The following RIF1 variants were observed in gnomAD, a reference collection of about 807,000 sequenced individuals.
The protein encoded by RIF1 is telomere-associated protein RIF1.
A neutral mutation model predicts 247.1 loss-of-function variants in RIF1; 45 were observed. That is an observed-to-expected ratio of 0.18 (90% CI 0.14 to 0.23). The LOEUF (loss-of-function observed/expected upper bound fraction) is 0.23, where lower values mean the gene tolerates loss of function less well. Ranked by LOEUF, RIF1 falls within the 10% of genes least tolerant of loss-of-function variation. The pLI is 1.00. For missense variants in RIF1, 2,967 were observed against 2,862.5 expected (o/e 1.04, Z -0.83); for synonymous variants, 1,087 against 978.8 (o/e 1.11, Z -2.06).
At chr2:151,428,629 C>A (rs571774431) in intron 8 of RIF1, among the ~76,000 whole-genome samples, 155 bp from the exon 9 acceptor site, 70 of 152,284 alleles carry the variant, frequency 4.6e-4, no homozygotes, top group African/African-American at 1.6e-3. Context: ...ACATTTAACA[C>A]ATCTCTTTAT....
intron 34 of RIF1, among the ~76,000 whole-genome samples, chr2:151,472,854 A>C (rs1014639244): frequency 6.6e-6 from 1 of 152,138 alleles, no homozygotes; most frequent in Non-Finnish European, 1.5e-5. Flanking sequence ...TGTCTCTGCC[A>C]GGCTTTGGTA....
intron 7 of RIF1, among the ~76,000 whole-genome samples, chr2:151,422,025 T>C (rs1429572065): frequency 6.6e-6 from 1 of 151,732 alleles, no homozygotes; most frequent in Non-Finnish European, 1.5e-5. Flanking sequence ...AGAGATGGGG[T>C]TTCACCATAT....
the RIF1 span, chr2:151,514,994 CA>C: frequency 9.9e-7 from 1 of 1,006,502 alleles, no homozygotes; most frequent in Admixed American, 2.5e-5. Flanking sequence ...CTCTCCATCT[CA>C]GGAAGAAAAA....
chr2:151,450,823 A>G (rs568770095), intron 20 of RIF1, among the ~76,000 whole-genome samples: 1 of 152,230 alleles, frequency 6.6e-6, no homozygotes, highest in African/African-American at 2.4e-5. Context: ...ACCTCAGGTG[A>G]TCCACCCACC....
intron 1 of RIF1, 72 bp downstream of exon 1, chr2:151,410,105 C>T (rs1685881317): frequency 2.9e-6 from 2 of 694,254 alleles, no homozygotes; most frequent in African/African-American, 1.8e-5. Flanking sequence ...CGCCCCCTCG[C>T]GGCGAGATGC....
downstream of RIF1, chr2:151,508,192 C>G: frequency 1.2e-6 from 1 of 856,826 alleles, no homozygotes; most frequent in Non-Finnish European, 1.8e-6. Flanking sequence ...TATTTTAGCC[C>G]TTCCAGGCTC....
intron 10 of RIF1, chr2:151,496,295 TTG>T (rs747405149): frequency 6.2e-7 from 1 of 1,610,684 alleles, no homozygotes; most frequent in South Asian, 1.1e-5. Context: ...ATTTTCTTGA[TTG>T]TGTTTGACTC....
At chr2:151,504,640 C>G (rs905956888) in intron 12 of RIF1, among the ~76,000 whole-genome samples, 2 of 152,210 alleles carry the variant, frequency 1.3e-5, no homozygotes, top group African/African-American at 4.8e-5. Flanking sequence ...AATCCCAAGA[C>G]CAAGGTCCTC....
chr2:151,508,042 A>G, downstream of RIF1: 1 of 1,611,116 alleles, frequency 6.2e-7, no homozygotes. Context: ...GACTCTCTGT[A>G]TCTCTGGGGT....
the RIF1 span, chr2:151,529,277 T>A: frequency 6.2e-7 from 1 of 1,613,602 alleles, no homozygotes; most frequent in Non-Finnish European, 8.5e-7. Flanking sequence ...AATGGTGCAG[T>A]TGGATTTATT....
At position 151,464,700 on chromosome 2, in the gene RIF1, G is replaced by A. The variant is rs1696654018; in HGVS notation, c.5180G>A (p.Arg1727Lys). ...CAACACAAGAGAAGTAGGAGGGTGA[G>A]GAGATCTAAAGGTTGTGATTGCTGT... Reference protein sequence around the residue: ...ECQHKRSRRVRRSKGCDCCGE... With the variant: ...ECQHKRSRRVKRSKGCDCCGE... The change falls in exon 30 of 36, where the codon AGG becomes AAG. Residue 1727 changes from arginine (R) to lysine (K), a missense_variant. By Grantham distance (26) the Arg-to-Lys change is conservative (BLOSUM62 2). Around this residue, in one of 7 missense-constraint regions of RIF1, gnomAD observed 2,028 missense variants for 1,825.6 expected, o/e 1.11. Coordinates refer to ENST00000444746, the MANE Select transcript of RIF1 (RefSeq NM_018151.5). 1 of 1,612,876 alleles carries A rather than the reference G, an allele frequency of 6.2e-7. No individual in the cohort carries two copies. Among genetic ancestry groups the A allele is most frequent in the African/African-American group, 1.3e-5 (1 of 74,846 alleles).
intron 20 of RIF1, among the ~76,000 whole-genome samples, chr2:151,450,707 C>T (rs141040478): frequency 0.02 from 3,110 of 152,168 alleles, 37 homozygotes; most frequent in Non-Finnish European, 0.033. Flanking sequence ...CCCCAGCCTC[C>T]CGAGTAGCTG....
intron 26 of RIF1, 108 bp downstream of exon 26, chr2:151,460,227 G>A (rs1695909787): frequency 1.2e-6 from 1 of 866,714 alleles, no homozygotes; most frequent in Non-Finnish European, 1.7e-6. Context: ...ATAAAGGTTG[G>A]GATTGCAGGG....
intron 16 of RIF1, among the ~76,000 whole-genome samples, chr2:151,442,459 C>G (rs1455412490): frequency 6.7e-6 from 1 of 148,678 alleles, no homozygotes; most frequent in Non-Finnish European, 1.5e-5. Context: ...GTATATTGAC[C>G]AAATTAAAGG....
chr2:151,463,089 G>T lies in RIF1; in HGVS notation c.3569G>T (p.Ser1190Ile). 2 of 1,613,990 alleles carry T rather than the reference G, an allele frequency of 1.2e-6. No individual in the cohort carries two copies. Among genetic ancestry groups the T allele is most frequent in the Non-Finnish European group, 1.7e-6 (2 of 1,179,938 alleles). The change falls in exon 30 of 36, where the codon AGT (serine) becomes ATT (isoleucine). Residue 1190 changes from serine (S) to isoleucine (I), a missense_variant. This residue lies in a region of RIF1 where 2,028 missense variants were observed against 1,825.6 expected (regional missense o/e 1.11). Transcript: ENST00000444746. The part of the protein sequence containing the change: ...SRKTSTECAS[S>I]TENSFVVSSS... ...AAAACATCAACTGAATGTGCATCTA[G>T]TACAGAAAATTCTTTCGTTGTCAGC...
Position 151,468,461 on chromosome 2 carries a change from T to C in RIF1, c.6748-13T>C, listed in dbSNP as rs760976295. 5.6e-6 allele frequency: 9 copies of C among 1,603,274 alleles called. No individual in the cohort carries two copies. Among genetic ancestry groups the C allele is most frequent in the Non-Finnish European group, 6.8e-6 (8 of 1,170,410 alleles). ...GGTTCTGAGTGTTTTTTTCTCTCCT[T>C]TCTTCTATCTAGCATAATACCACTT... On this transcript the variant is annotated splice_polypyrimidine_tract_variant and intron_variant, in intron 31 of 35. Coordinates refer to ENST00000444746, the MANE Select transcript of RIF1 (RefSeq NM_018151.5).
intron 23 of RIF1, among the ~76,000 whole-genome samples, 176 bp from the exon 24 acceptor site, chr2:151,457,585 A>G (rs556583499): frequency 2.6e-4 from 35 of 134,704 alleles, no homozygotes; most frequent in East Asian, 7.7e-4. Flanking sequence ...CTGTAATATT[A>G]ATAACCAAAG....
intron 17 of RIF1, 54 bp from the exon 18 acceptor site, chr2:151,443,475 A>G: frequency 6.9e-7 from 1 of 1,443,222 alleles, no homozygotes; most frequent in South Asian, 1.4e-5. Flanking sequence ...GTTAACATTA[A>G]ATTAATATAT....
intron 8 of RIF1, among the ~76,000 whole-genome samples, chr2:151,427,310 A>T (rs1413218499): frequency 6.6e-6 from 1 of 151,494 alleles, no homozygotes; most frequent in Non-Finnish European, 1.5e-5. Context: ...TCTCAGGTTC[A>T]AGTGATTCTC....
Sources: gnomAD v4.1 joint callset for allele counts (sites outside exome capture counted in the v4.1 genomes callset) on GRCh38, gnomAD v4.1.1 for gene constraint, gnomAD v4.1.1 regional missense constraint, MANE v1.5 for transcripts, NCBI Gene and HGNC (gene_info 2026-07-23, HGNC 2026-07-21) for gene names.